RAB35: variants seen among roughly 807,000 people sequenced by gnomAD.
The protein encoded by RAB35 is RAB35, member RAS oncogene family, also known as ras-related protein Rab-35.
RAB35 carries 4 observed loss-of-function variants against 28.9 expected under a neutral mutation model. That is an observed-to-expected ratio of 0.14 (90% CI 0.07 to 0.32). RAB35 has a LOEUF of 0.32. Among genes scored for constraint, RAB35 ranks in the 10% least tolerant of loss-of-function variants. The probability of loss-of-function intolerance (pLI) is 1.00; values close to 1 mark genes in which losing one functional copy is unlikely to be tolerated. For synonymous variants in RAB35, 99 were observed against 105.1 expected (o/e 0.94, Z 0.35); for missense variants, 128 against 274.0 (o/e 0.47, Z 3.76).
At chr12:120,100,848 G>A (rs1875628695) in intron 3 of RAB35, among the ~76,000 whole-genome samples, 1 of 152,202 alleles carries the variant, frequency 6.6e-6, no homozygotes, top group South Asian at 2.1e-4. Flanking sequence ...CACATGGCAT[G>A]GTGTGTCAGA....
intron 1 of RAB35, among the ~76,000 whole-genome samples, chr12:120,109,282 C>G (rs1331942805): frequency 6.6e-6 from 1 of 152,004 alleles, no homozygotes; most frequent in Non-Finnish European, 1.5e-5. Context: ...GGAGAAACCC[C>G]GTCTCTACTA....
chr12:120,102,120 G>A (rs965546957), intron 3 of RAB35, among the ~76,000 whole-genome samples: 2 of 152,222 alleles, frequency 1.3e-5, no homozygotes, highest in African/African-American at 4.8e-5. Context: ...CAGACTCAGG[G>A]CCAACCCTGA....
At chr12:120,104,968 G>A (rs1875813022) in intron 2 of RAB35, among the ~76,000 whole-genome samples, 1 of 152,170 alleles carries the variant, frequency 6.6e-6, no homozygotes, top group East Asian at 1.9e-4. Context: ...TCTAGCCGGT[G>A]TAATTGCCCA....
chr12:120,101,138 A>G (rs1695625424), intron 3 of RAB35, among the ~76,000 whole-genome samples: 1 of 152,202 alleles, frequency 6.6e-6, no homozygotes, highest in Non-Finnish European at 1.5e-5. Flanking sequence ...GAGGAACCGG[A>G]GCACCGACGT....
rs1239745603 is a variant in RAB35 at position 120,096,756 on chromosome 12, A to G, written c.*489T>C. 1.6e-6 allele frequency: 2 copies of G among 1,290,120 alleles called. No individual in the cohort carries two copies. 79.9% of individuals were successfully genotyped at this position (1,290,120 alleles called of 1,614,324 possible). ...CAGAGGCTGACAACCTGTCGGAGAG[A>G]ATGAGCAACGCGGAGCCCACTCCAC... On this transcript the variant is annotated 3_prime_UTR_variant, in exon 6 of 6. Coordinates refer to ENST00000229340, the MANE Select transcript of RAB35 (RefSeq NM_006861.7).
intron 3 of RAB35, among the ~76,000 whole-genome samples, chr12:120,100,882 C>T (rs75572739): frequency 0.049 from 7,405 of 152,234 alleles, 377 homozygotes; most frequent in African/African-American, 0.13. Context: ...GAGGGCGCGC[C>T]GGAGCCACAG....
chr12:120,115,719 G>A (rs1265460146), intron 1 of RAB35, among the ~76,000 whole-genome samples: 3 of 152,248 alleles, frequency 2.0e-5, no homozygotes, highest in African/African-American at 7.2e-5. Context: ...CTAGAGCAGT[G>A]ATCAGAGCTA....
intron 3 of RAB35, chr12:120,099,598 C>A: frequency 5.2e-6 from 1 of 191,060 alleles, no homozygotes; most frequent in Non-Finnish European, 1.1e-5. Context: ...GCCACACCAT[C>A]ATGACGCCCT....
chr12:120,105,090 T>C lies in RAB35; in HGVS notation c.104-1141A>G, dbSNP rs556793602. 2.7e-4 allele frequency among the ~76,000 whole-genome samples: 41 copies of C among 152,182 alleles called. No individual in the cohort carries two copies. In the South Asian group the frequency reaches 8.3e-3, roughly 31 times the overall value. On this transcript the variant is annotated intron_variant, in intron 2 of 5. Transcript: ENST00000229340. ...CACACACACACAATTATGTGAAATGTGGCAAGGGCGTAGGAAAGGTCAAAT... is the reference window on the plus strand; with the variant it reads ...CACACACACACAATTATGTGAAATGCGGCAAGGGCGTAGGAAAGGTCAAAT...
rs1014258858 is a variant in RAB35, at chr12:120,103,735, G to A, written c.227+91C>T. 7 of 1,548,762 alleles carry A rather than the reference G, an allele frequency of 4.5e-6. No homozygotes were observed. The highest frequency in any genetic ancestry group is 1.4e-5 in the African/African-American group (1 of 73,756). On this transcript the variant is annotated intron_variant, in intron 3 of 5. Transcript: ENST00000229340. The surrounding 1 kb of genome is among the most constrained non-coding windows in gnomAD (Gnocchi z 6.1). Reference sequence around the variant, plus strand: ...TCCCGACAGCCTCAGGGACCCACCAGTGACATTTCCACCATGACCAGGCAC... The same window carrying A: ...TCCCGACAGCCTCAGGGACCCACCAATGACATTTCCACCATGACCAGGCAC...
chr12:120,110,740 G>A (rs893443132), intron 1 of RAB35, among the ~76,000 whole-genome samples: 7 of 152,220 alleles, frequency 4.6e-5, no homozygotes, highest in African/African-American at 1.4e-4. Context: ...ACGATGCCCA[G>A]AAGAACTTGT....
At chr12:120,115,084 G>A (rs1225580380) in intron 1 of RAB35, among the ~76,000 whole-genome samples, 1 of 152,046 alleles carries the variant, frequency 6.6e-6, no homozygotes, top group Non-Finnish European at 1.5e-5. Flanking sequence ...TAACCAGTCA[G>A]TACTCCACCT....
At chr12:120,100,966 G>A (rs2139050490) in intron 3 of RAB35, among the ~76,000 whole-genome samples, 1 of 152,396 alleles carries the variant, frequency 6.6e-6, no homozygotes, top group East Asian at 1.9e-4. Flanking sequence ...CTTTGCTGAA[G>A]ATGATCAGAG....
chr12:120,111,117 G>A (rs1305307900), intron 1 of RAB35, among the ~76,000 whole-genome samples: 1 of 152,224 alleles, frequency 6.6e-6, no homozygotes, highest in African/African-American at 2.4e-5. Flanking sequence ...CTTAGTAGGT[G>A]CCAACCAAAC....
intron 1 of RAB35, among the ~76,000 whole-genome samples, chr12:120,108,986 C>A (rs1381231192): frequency 6.6e-6 from 1 of 152,238 alleles, no homozygotes; most frequent in East Asian, 1.9e-4. Flanking sequence ...TCAATGGCTA[C>A]CATCTTTCTG....
In RAB35 at chr12:120,096,723, A is replaced by G; in HGVS notation, c.*522T>C. 1 of 1,289,972 alleles carries G rather than the reference A, an allele frequency of 7.8e-7. No individual in the cohort carries two copies. Among genetic ancestry groups the G allele is most frequent in the Non-Finnish European group, 1.0e-6 (1 of 988,932 alleles). The allele number at this position is 1,289,972 out of a possible 1,614,324, so 79.9% of individuals were successfully genotyped here. Reference sequence around the variant, plus strand: ...CCGGAGAAGGGGCAAGACCCTGTGCAGCGGGGACAGAGGCTGACAACCTGT... The same window carrying G: ...CCGGAGAAGGGGCAAGACCCTGTGCGGCGGGGACAGAGGCTGACAACCTGT... On this transcript the variant is annotated 3_prime_UTR_variant, in exon 6 of 6. Coordinates refer to ENST00000229340, the MANE Select transcript of RAB35 (RefSeq NM_006861.7).
chr12:120,105,613 T>C (rs963150719), intron 2 of RAB35, among the ~76,000 whole-genome samples: 1 of 152,022 alleles, frequency 6.6e-6, no homozygotes. Context: ...ACACGCAGGA[T>C]AGCCCCACAA....
At position 120,096,978 on chromosome 12, in the gene RAB35, T is replaced by C; in HGVS notation, c.*267A>G. 6.8e-7 allele frequency: 1 copy of C among 1,465,282 alleles called. No individual in the cohort carries two copies. The highest frequency in any genetic ancestry group is 1.8e-4 in the Middle Eastern group (1 of 5,660). The allele number at this position is 1,465,282 out of a possible 1,614,324, so 90.8% of individuals were successfully genotyped here. A position where few individuals can be genotyped will look rare whatever the true frequency, so the allele number is the denominator to read the frequency against. On this transcript the variant is annotated 3_prime_UTR_variant, in exon 6 of 6. Transcript: ENST00000229340. ...ACTATGTACAGACTCTGCGAATCAG[T>C]CCGCTCGGCGGGCAGCGTCCTCGCC...
chr12:120,102,132 T>C (rs1229990930), intron 3 of RAB35, among the ~76,000 whole-genome samples: 1 of 152,158 alleles, frequency 6.6e-6, no homozygotes, highest in Non-Finnish European at 1.5e-5. Context: ...CAACCCTGAG[T>C]GCCCCCAACC....
Sources: gnomAD v4.1 joint callset for allele counts (sites outside exome capture counted in the v4.1 genomes callset) on GRCh38, gnomAD v4.1.1 for gene constraint, Gnocchi (gnomAD v3.1) non-coding constraint, MANE v1.5 for transcripts, NCBI Gene and HGNC (gene_info 2026-07-23, HGNC 2026-07-21) for gene names.